RYR3: variants seen among roughly 807,000 people sequenced by gnomAD.
The protein encoded by RYR3 is brain ryanodine receptor-calcium release channel.
RYR3 carries 207 observed loss-of-function variants against 584.3 expected under a neutral mutation model. The observed-to-expected ratio is 0.35, with a 90% CI of 0.32 to 0.40. The LOEUF (loss-of-function observed/expected upper bound fraction) is 0.40. Among genes scored for constraint, RYR3 ranks in the 10% least tolerant of loss-of-function variants. RYR3 has a pLI of 1.00. For synonymous variants in RYR3, 2,416 were observed against 2,248.5 expected, an observed-to-expected ratio of 1.07 and a Z score of -2.11; for missense variants, 5,616 against 6,089.2, an observed-to-expected ratio of 0.92 and a Z score of 2.59.
Position 33,310,978 on chromosome 15 carries a change from C to G in RYR3, c.-68C>G. On this transcript the variant is annotated 5_prime_UTR_variant, in exon 1 of 104. Coordinates refer to ENST00000634891, the MANE Select transcript of RYR3 (RefSeq NM_001036.6). Reference sequence around the variant, plus strand: ...AGAAAGAGCGCAGCAGCAGTCAGCGCACGCCGAGCGGCTGCCGGGGGAAGC... The same window carrying G: ...AGAAAGAGCGCAGCAGCAGTCAGCGGACGCCGAGCGGCTGCCGGGGGAAGC... The G allele has an allele frequency of 8.0e-7, 1 of 1,255,750 alleles. No individual in the cohort carries two copies. Among genetic ancestry groups the G allele is most frequent in the Non-Finnish European group, 1.1e-6 (1 of 883,704 alleles). The allele number at this position is 1,255,750 out of a possible 1,614,324, so 77.8% of individuals were successfully genotyped here. A position where few individuals can be genotyped will look rare whatever the true frequency, so the allele number is the denominator to read the frequency against.
At chr15:33,596,528 A>G (rs572949616) in intron 16 of RYR3, among the ~76,000 whole-genome samples, 1 of 139,212 alleles carries the variant, frequency 7.2e-6, no homozygotes, top group African/African-American at 2.7e-5. Flanking sequence ...CTTTTTATTT[A>G]TTTATTTTAA....
At chr15:33,483,750 G>A (rs1383268779) in intron 2 of RYR3, among the ~76,000 whole-genome samples, 5 of 152,146 alleles carry the variant, frequency 3.3e-5, no homozygotes, top group Admixed American at 6.5e-5. Context: ...AACAAATTGA[G>A]GGGAATTTGT....
chr15:33,419,900 T>G (rs1188308287), intron 1 of RYR3, among the ~76,000 whole-genome samples: 1 of 152,202 alleles, frequency 6.6e-6, no homozygotes, highest in Non-Finnish European at 1.5e-5. Context: ...AAGGACATTT[T>G]GCCTGCATAA....
intron 43 of RYR3, among the ~76,000 whole-genome samples, chr15:33,716,786 C>T (rs138817974): frequency 1.5e-4 from 23 of 152,128 alleles, no homozygotes; most frequent in Middle Eastern, 6.8e-3. Flanking sequence ...ACTTAATATA[C>T]GTATGTGGAT....
intron 45 of RYR3, among the ~76,000 whole-genome samples, chr15:33,725,830 T>C (rs1171789961): frequency 2.2e-5 from 3 of 139,026 alleles, no homozygotes; most frequent in Non-Finnish European, 4.7e-5. Flanking sequence ...ATTAGCCAGG[T>C]GTGGTGGCGG....
intron 69 of RYR3, among the ~76,000 whole-genome samples, chr15:33,806,780 G>T (rs1422237860): frequency 6.7e-6 from 1 of 150,200 alleles, no homozygotes; most frequent in African/African-American, 2.5e-5. Flanking sequence ...TTAAGACAGG[G>T]TGTCCCTCTG....
Position 33,865,935 on chromosome 15 carries a change from T to C in RYR3, c.*709T>C, listed in dbSNP as rs1053976598. Reference sequence around the variant, plus strand: ...AGTAACAGCTGTCAGTCAACTGCTGTTATTAGAAGAAAAGTACTGTACTGA... The same window carrying C: ...AGTAACAGCTGTCAGTCAACTGCTGCTATTAGAAGAAAAGTACTGTACTGA... On this transcript the variant is annotated 3_prime_UTR_variant, in exon 104 of 104. Coordinates refer to ENST00000634891, the MANE Select transcript of RYR3 (RefSeq NM_001036.6). The C allele has an allele frequency of 6.5e-6, 1 of 152,692 alleles. No homozygotes were observed. Among genetic ancestry groups the C allele is most frequent in the African/African-American group, 2.4e-5 (1 of 41,432 alleles). 9.5% of individuals were successfully genotyped at this position (152,692 alleles called of 1,614,324 possible).
intron 12 of RYR3, among the ~76,000 whole-genome samples, chr15:33,570,026 T>C (rs993840803): frequency 6.6e-6 from 1 of 152,144 alleles, no homozygotes; most frequent in African/African-American, 2.4e-5. Context: ...TCTTGGTCTT[T>C]GGCTTTTCTC....
At chr15:33,451,728 A>C (rs1371647716) in intron 1 of RYR3, among the ~76,000 whole-genome samples, 1 of 152,228 alleles carries the variant, frequency 6.6e-6, no homozygotes, top group African/African-American at 2.4e-5. Flanking sequence ...AGACTAAAAA[A>C]GTTGAAGCCT....
chr15:33,701,851 T>C (rs2066327194), intron 42 of RYR3, among the ~76,000 whole-genome samples: 1 of 152,082 alleles, frequency 6.6e-6, no homozygotes, highest in South Asian at 2.1e-4. Context: ...GATGTTTGCA[T>C]GTCCGAGAGG....
intron 1 of RYR3, among the ~76,000 whole-genome samples, chr15:33,452,452 A>AG (rs2047205285): frequency 2.0e-5 from 3 of 152,216 alleles, no homozygotes; most frequent in Admixed American, 6.5e-5. Context: ...TTTAGAAATA[A>AG]TATGTCTATG....
rs142744721 is a variant in RYR3 at position 33,830,889 on chromosome 15, C to G, written c.11335-74C>G. 8.6e-6 allele frequency: 13 copies of G among 1,504,254 alleles called. No homozygotes were observed. In the African/African-American group the frequency reaches 1.4e-4, roughly 16 times the overall value. The allele number at this position is 1,504,254 out of a possible 1,614,324, so 93.2% of individuals were successfully genotyped here. On this transcript the variant is annotated intron_variant, in intron 85 of 103. Transcript: ENST00000634891. ...CATAGAGATGCAGGATTATCATGTACCCTTCCCAAACACCGAGTTTAGCTT... is the reference window on the plus strand; with the variant it reads ...CATAGAGATGCAGGATTATCATGTAGCCTTCCCAAACACCGAGTTTAGCTT...
chr15:33,785,366 C>T (rs1056725326), intron 65 of RYR3, among the ~76,000 whole-genome samples: 17 of 152,156 alleles, frequency 1.1e-4, no homozygotes, highest in Non-Finnish European at 1.8e-4. Flanking sequence ...CTGGCTTCAT[C>T]GCAGGATAGT....
At chr15:33,450,806 A>T (rs1251323501) in intron 1 of RYR3, among the ~76,000 whole-genome samples, 1 of 152,032 alleles carries the variant, frequency 6.6e-6, no homozygotes, top group Non-Finnish European at 1.5e-5. Flanking sequence ...TGCGCAAACC[A>T]CAGGAAACAG....
chr15:33,785,361 T>C (rs1379667531), intron 65 of RYR3, among the ~76,000 whole-genome samples: 1 of 152,170 alleles, frequency 6.6e-6, no homozygotes, highest in Non-Finnish European at 1.5e-5. Context: ...AGAGACTGGC[T>C]TCATCGCAGG....
chr15:33,540,715 G>C, intron 6 of RYR3, 76 bp from the exon 7 acceptor site: 1 of 867,456 alleles, frequency 1.2e-6, no homozygotes, highest in East Asian at 2.4e-5. Flanking sequence ...TTTAATCCTT[G>C]AAGTTCTAGG....
At chr15:33,847,498 C>G (rs974792868) in intron 93 of RYR3, 1 of 152,188 alleles carries the variant, frequency 6.6e-6, no homozygotes, top group Admixed American at 6.5e-5. Flanking sequence ...ATTGTGACTT[C>G]TCATTTCCTG....
At chr15:33,626,599 T>C (rs2061002501) in intron 20 of RYR3, among the ~76,000 whole-genome samples, 1 of 152,176 alleles carries the variant, frequency 6.6e-6, no homozygotes, top group Admixed American at 6.5e-5. Context: ...GTCATTGACC[T>C]TTGCAGTAGC....
chr15:33,315,288 G>A (rs1345794459), intron 1 of RYR3, among the ~76,000 whole-genome samples: 3 of 152,190 alleles, frequency 2.0e-5, no homozygotes, highest in Admixed American at 1.3e-4. Context: ...ATGGATGCCT[G>A]CTTTCTTCTC....
Sources: allele counts gnomAD v4.1 joint callset (sites outside exome capture counted in the v4.1 genomes callset), GRCh38; gene constraint gnomAD v4.1.1; transcripts MANE v1.5; gene names NCBI Gene and HGNC (gene_info 2026-07-23, HGNC 2026-07-21).